The following ATXN2 variants were observed in gnomAD, a reference collection of about 807,000 sequenced individuals.
The protein encoded by ATXN2 is ataxin-2.
In ATXN2, 37 loss-of-function variants were observed where a neutral mutation model predicts 138.6. The observed-to-expected ratio is 0.27, with a 90% CI of 0.21 to 0.35. The LOEUF (loss-of-function observed/expected upper bound fraction) is 0.35. Ranked by LOEUF, ATXN2 falls within the 10% of genes least tolerant of loss-of-function variation. The pLI is 1.00. For missense variants in ATXN2, 1,216 were observed against 1,480.3 expected, an observed-to-expected ratio of 0.82 and a Z score of 2.93; for synonymous variants, 549 against 543.7, an observed-to-expected ratio of 1.01 and a Z score of -0.13.
Position 111,464,664 on chromosome 12 carries a change from G to A in ATXN2, c.2894C>T (p.Ala965Val), listed in dbSNP as rs1339447527. The change falls in exon 21 of 25, where the codon GCC (alanine) becomes GTC (valine). Residue 965 changes from alanine to valine, a missense_variant and splice_region_variant. Ala to Val is a moderately conservative substitution (Grantham distance 64, BLOSUM62 0). Coordinates refer to ENST00000673436, the MANE Select transcript of ATXN2 (RefSeq NM_001372574.1). ...NKETSPSFYF[A>V]ISTGSLAQQY... ...TTAGTATAAAAAACCCAACTCACTG[G>A]CAAAGTAGAAAGAAGGGCTTGTCTC... 1.2e-6 allele frequency: 2 copies of A among 1,608,980 alleles called. No homozygotes were observed. The highest frequency in any genetic ancestry group is 2.7e-5 in the African/African-American group (2 of 74,816).
intron 5 of ATXN2, among the ~76,000 whole-genome samples, chr12:111,543,529 G>T (rs1482771518): frequency 1.3e-5 from 2 of 152,068 alleles, no homozygotes; most frequent in Non-Finnish European, 2.9e-5. Flanking sequence ...CACCTTCTGG[G>T]TTCAAATGAT....
chr12:111,594,290 T>C (rs1884823488), intron 1 of ATXN2, among the ~76,000 whole-genome samples: 1 of 152,196 alleles, frequency 6.6e-6, no homozygotes, highest in Non-Finnish European at 1.5e-5. Context: ...ATGAACAGTC[T>C]CACTGAAATT....
At position 111,453,881 on chromosome 12, in the gene ATXN2, A is replaced by G. The variant is rs368654637; in HGVS notation, c.3271-36T>C. 1.9e-6 allele frequency: 3 copies of G among 1,568,690 alleles called. No individual in the cohort carries two copies. The highest frequency in any genetic ancestry group is 2.3e-5 in the East Asian group (1 of 43,568). The stretch of plus-strand genomic sequence containing the variant: ...GAGCTCTTTTACGCATACAGGCAAC[A>G]TCTCCGGCTTCAACAACATGTCAAC... On this transcript the variant is annotated intron_variant, in intron 23 of 24. Coordinates refer to ENST00000673436, the MANE Select transcript of ATXN2 (RefSeq NM_001372574.1). The surrounding 1 kb of genome is among the most constrained non-coding windows in gnomAD (Gnocchi z 5.4).
intron 1 of ATXN2, among the ~76,000 whole-genome samples, chr12:111,592,542 G>A (rs1218951563): frequency 6.6e-6 from 1 of 151,832 alleles, no homozygotes; most frequent in African/African-American, 2.4e-5. Context: ...CAGAACTTTG[G>A]GAGGCTGAGG....
chr12:111,548,191 CAAAA>C (rs1881935013), intron 5 of ATXN2, among the ~76,000 whole-genome samples: 1 of 151,838 alleles, frequency 6.6e-6, no homozygotes, highest in Non-Finnish European at 1.5e-5. Flanking sequence ...GACTCTGTCT[CAAAA>C]CAAACAAACA....
At chr12:111,578,445 A>G (rs1883805653) in intron 1 of ATXN2, among the ~76,000 whole-genome samples, 1 of 152,172 alleles carries the variant, frequency 6.6e-6, no homozygotes, top group South Asian at 2.1e-4. Flanking sequence ...AGATTCACAA[A>G]TACTTAACAT....
At position 111,453,809 on chromosome 12, in the gene ATXN2, T is replaced by C. The variant is rs1386286114; in HGVS notation, c.3307A>G (p.Thr1103Ala). Residue 1103 changes from threonine to alanine, a missense_variant, in exon 24 of 25, where the codon ACT becomes GCT. Physicochemically the swap from Thr to Ala is moderately conservative, Grantham distance 58. Coordinates refer to ENST00000673436, the MANE Select transcript of ATXN2 (RefSeq NM_001372574.1). The surrounding 1 kb of genome is among the most constrained non-coding windows in gnomAD (Gnocchi z 5.4). ...ATTAGCATCATTGGCGCATGGGCAG[T>C]TGGATGAGAAGGAACCATTCCTGAC... ...VQSGMVPSHPTAHAPMMLMTT... is the reference protein window; with the variant it reads ...VQSGMVPSHPAAHAPMMLMTT... The C allele has an allele frequency of 6.2e-6, 10 of 1,613,800 alleles. No individual in the cohort carries two copies. The highest frequency in any genetic ancestry group is 2.2e-5 in the East Asian group (1 of 44,884).
Position 111,452,675 on chromosome 12 carries a change from C to A in ATXN2, c.*137G>T. On this transcript the variant is annotated 3_prime_UTR_variant, in exon 25 of 25. Transcript: ENST00000673436. The stretch of plus-strand genomic sequence containing the variant: ...CCACTGCAAGTGAACTGTTAGCATT[C>A]CTATTGGATGTTACAAGAAATCAAC... The A allele has an allele frequency of 9.8e-7, 1 of 1,016,718 alleles. No homozygotes were observed. The highest frequency in any genetic ancestry group is 2.6e-5 in the East Asian group (1 of 38,846). 63.0% of individuals were successfully genotyped at this position (1,016,718 alleles called of 1,614,324 possible). A position where few individuals can be genotyped will look rare whatever the true frequency, so the allele number is the denominator to read the frequency against.
intron 1 of ATXN2, among the ~76,000 whole-genome samples, chr12:111,583,197 T>C (rs1884112046): frequency 1.3e-5 from 2 of 149,050 alleles, no homozygotes; most frequent in South Asian, 4.3e-4. Flanking sequence ...TTCACAATGT[T>C]GCCCAGGTTG....
intron 14 of ATXN2, among the ~76,000 whole-genome samples, chr12:111,495,308 C>CAA (rs374203441): frequency 0.12 from 7,356 of 60,102 alleles, 828 homozygotes; most frequent in East Asian, 0.59. Context: ...AACTCTGTCT[C>CAA]AAAAAAAAAA....
At chr12:111,512,751 C>T (rs1274973909) in intron 11 of ATXN2, 1 of 152,316 alleles carries the variant, frequency 6.6e-6, no homozygotes, top group Non-Finnish European at 1.5e-5. Context: ...CCACCACACC[C>T]AGCCTAATTT....
chr12:111,551,859 C>A (rs1456375378), intron 5 of ATXN2, among the ~76,000 whole-genome samples: 4 of 151,988 alleles, frequency 2.6e-5, no homozygotes, highest in African/African-American at 9.6e-5. Flanking sequence ...TTGGGCTATT[C>A]TAGAAAGTAG....
chr12:111,486,375 G>A (rs1339742487), intron 16 of ATXN2, among the ~76,000 whole-genome samples: 1 of 152,070 alleles, frequency 6.6e-6, no homozygotes, highest in Non-Finnish European at 1.5e-5. Flanking sequence ...TATTGTTTTG[G>A]AATAATGACA....
At chr12:111,553,774 T>A (rs570048709) in intron 3 of ATXN2, among the ~76,000 whole-genome samples, 67 of 151,776 alleles carry the variant, frequency 4.4e-4, no homozygotes, top group African/African-American at 1.6e-3. Flanking sequence ...CTAGTTTTTT[T>A]ACTTTTTGTA....
intron 10 of ATXN2, among the ~76,000 whole-genome samples, chr12:111,514,332 A>C (rs1190988447): frequency 2.0e-5 from 3 of 152,136 alleles, no homozygotes; most frequent in African/African-American, 2.4e-5. Flanking sequence ...ACTCTTTCTA[A>C]ATCAGTCTAC....
At chr12:111,534,654 T>C (rs952031956) in intron 5 of ATXN2, among the ~76,000 whole-genome samples, 73 of 151,450 alleles carry the variant, frequency 4.8e-4, no homozygotes, top group African/African-American at 1.7e-3. Context: ...TGGAGACCAC[T>C]GGTTCTCCAA....
Position 111,513,347 on chromosome 12 carries a change from T to C in ATXN2, c.1558+10A>G, listed in dbSNP as rs757122815. The C allele has an allele frequency of 6.2e-7, 1 of 1,610,288 alleles. No homozygotes were observed. Among genetic ancestry groups the C allele is most frequent in the Non-Finnish European group, 8.5e-7 (1 of 1,179,136 alleles). On this transcript the variant is annotated intron_variant, in intron 11 of 24. Transcript: ENST00000673436. ...AATGAGTACCATCATTATGCCCAAG[T>C]GTTACCTACCCCCACTGACCACTGA...
intron 14 of ATXN2, among the ~76,000 whole-genome samples, chr12:111,489,716 G>T (rs1250955361): frequency 6.6e-6 from 1 of 151,416 alleles, no homozygotes; most frequent in Admixed American, 6.6e-5. Context: ...AAGCTCAGGA[G>T]TTCAAGACCA....
intron 18 of ATXN2, 145 bp downstream of exon 18, chr12:111,485,120 C>T: frequency 1.6e-6 from 1 of 639,900 alleles, no homozygotes; most frequent in Non-Finnish European, 2.7e-6. Context: ...ATGTGAATAT[C>T]TATGTAATGT....
Sources: gnomAD v4.1 joint callset for allele counts (sites outside exome capture counted in the v4.1 genomes callset) on GRCh38, gnomAD v4.1.1 for gene constraint, Gnocchi (gnomAD v3.1) non-coding constraint, MANE v1.5 for transcripts, NCBI Gene and HGNC (gene_info 2026-07-23, HGNC 2026-07-21) for gene names.